Variants in HIVEP2 observed in about 807,000 individuals in gnomAD.
The protein encoded by HIVEP2 is HIVEP zinc finger 2, also known as transcription factor HIVEP2.
Under a neutral mutation model 180.7 loss-of-function variants are expected in HIVEP2, and 14 were observed. That is an observed-to-expected ratio of 0.08 (90% confidence interval 0.05 to 0.12). The LOEUF is 0.12. Among genes scored for constraint, HIVEP2 ranks in the 10% least tolerant of loss-of-function variants. The pLI, the probability that HIVEP2 is intolerant of heterozygous loss-of-function variation, is 1.00. For missense variants in HIVEP2, 2,579 were observed against 3,008.5 expected (o/e 0.86, Z 3.34); for synonymous variants, 1,184 against 1,136.4 (o/e 1.04, Z -0.84).
chr6:142,897,355 A>C (rs1777026610), intron 1 of HIVEP2, among the ~76,000 whole-genome samples: 4 of 152,230 alleles, frequency 2.6e-5, no homozygotes, highest in African/African-American at 9.6e-5. Flanking sequence ...AATTCATGCA[A>C]GCCCCATGAT....
intron 1 of HIVEP2, among the ~76,000 whole-genome samples, chr6:142,857,853 G>T (rs1188787980): frequency 6.6e-6 from 1 of 152,188 alleles, no homozygotes; most frequent in Non-Finnish European, 1.5e-5. Flanking sequence ...CTGCGGGCGG[G>T]GGGAAGCCAC....
chr6:142,784,900 T>A (rs1177167316), intron 2 of HIVEP2, among the ~76,000 whole-genome samples: 4 of 152,136 alleles, frequency 2.6e-5, no homozygotes, highest in African/African-American at 9.7e-5. Flanking sequence ...TCTATCTATT[T>A]TTTTTGAGAC....
intron 1 of HIVEP2, among the ~76,000 whole-genome samples, chr6:142,855,402 G>A (rs12190804): frequency 0.18 from 26,972 of 152,106 alleles, 2,581 homozygotes; most frequent in South Asian, 0.22. Flanking sequence ...ACAAGTAACC[G>A]TCATCCCCAG....
rs1159983465 is a variant in HIVEP2, at chr6:142,769,716, T to C, written c.5023A>G (p.Ile1675Val). ...GATGGGTTTGGATTACAGGAACTAA[T>C]GCACCATGAAGCATAAACCGAGGAT... The part of the protein sequence containing the change: ...FKSSVYASWC[I>V]SSCNPNPSGL... Residue 1675 changes from isoleucine (I) to valine (V), a missense_variant, in exon 5 of 10, where the codon ATT becomes GTT. By Grantham distance (29) the Ile-to-Val change is conservative. This residue lies in a region of HIVEP2 where 349 missense variants were observed against 367.2 expected (regional missense o/e 0.95). Coordinates refer to ENST00000367603, the MANE Select transcript of HIVEP2 (RefSeq NM_006734.4). 3 of 1,614,116 alleles carry C rather than the reference T, an allele frequency of 1.9e-6. No individual in the cohort carries two copies. Among genetic ancestry groups the C allele is most frequent in the African/African-American group, 2.7e-5 (2 of 74,938 alleles).
At chr6:142,808,148 A>T (rs906379986) in intron 2 of HIVEP2, among the ~76,000 whole-genome samples, 1 of 152,186 alleles carries the variant, frequency 6.6e-6, no homozygotes, top group African/African-American at 2.4e-5. Flanking sequence ...CAAGCATAAG[A>T]GGCATCTTTA....
chr6:142,765,126 T>C (rs1775349329), intron 6 of HIVEP2, 152 bp from the exon 7 acceptor site: 3 of 639,238 alleles, frequency 4.7e-6, no homozygotes, highest in Non-Finnish European at 7.7e-6. Flanking sequence ...GTGAAATTTA[T>C]GCAGTAAATG....
intron 1 of HIVEP2, among the ~76,000 whole-genome samples, chr6:142,899,898 T>C (rs563304462): frequency 6.6e-6 from 1 of 152,256 alleles, no homozygotes; most frequent in East Asian, 1.9e-4. Context: ...CTGAACCTAG[T>C]GGAGAGAATC....
In HIVEP2 at chr6:142,818,733, A is replaced by AG. The variant is rs1554213992; in HGVS notation, c.-528+18201_-528+18202insC. 7.4e-4 allele frequency among the ~76,000 whole-genome samples: 31 copies of AG among 41,790 alleles called. 1 individual carries two copies. The highest frequency in any genetic ancestry group is 3.0e-3 in the African/African-American group (30 of 9,890). 27.4% of individuals were successfully genotyped at this position (41,790 alleles called of 152,430 possible). ...AAAGAAAGAAAGAAAAGAAAGAAAG[A>AG]AAAGAAAGAAAGAAAGAAAGAAAGA... On this transcript the variant is annotated intron_variant, in intron 2 of 9. Coordinates refer to ENST00000367603, the MANE Select transcript of HIVEP2 (RefSeq NM_006734.4).
Position 142,945,089 on chromosome 6 carries a change from C to T in HIVEP2, c.-641+10G>A, listed in dbSNP as rs1262425887. On this transcript the variant is annotated intron_variant, in intron 1 of 9. Transcript: ENST00000367603. This position sits in a 1 kb window ranked among gnomAD's most constrained non-coding sequence, Gnocchi z 5.5. ...CCTGCGCCGCGCGCCGCGGCCCCCT[C>T]CCCCGCTACCTGACAACGGGCCGCC... 6.8e-6 allele frequency: 1 copy of T among 147,102 alleles called. No individual in the cohort carries two copies. The highest frequency in any genetic ancestry group is 2.4e-5 in the African/African-American group (1 of 40,932). The allele number at this position is 147,102 out of a possible 1,614,324, so 9.1% of individuals were successfully genotyped here. A position where few individuals can be genotyped will look rare whatever the true frequency, so the allele number is the denominator to read the frequency against.
intron 2 of HIVEP2, among the ~76,000 whole-genome samples, chr6:142,821,782 C>T (rs562271257): frequency 6.6e-6 from 1 of 152,158 alleles, no homozygotes; most frequent in African/African-American, 2.4e-5. Context: ...CTAGGTCAAG[C>T]AATCAAGGCT....
At chr6:142,777,597 A>C (rs1775733576) in intron 3 of HIVEP2, among the ~76,000 whole-genome samples, 1 of 134,196 alleles carries the variant, frequency 7.5e-6, no homozygotes, top group South Asian at 2.5e-4. Flanking sequence ...GCAGTGAGCC[A>C]AGATCGAGCC....
chr6:142,768,346 A>C, intron 6 of HIVEP2, 36 bp downstream of exon 6: 1 of 1,595,340 alleles, frequency 6.3e-7, no homozygotes, highest in Non-Finnish European at 8.6e-7. Flanking sequence ...TCTGACCTAT[A>C]ACTGCACATT....
At chr6:142,791,412 A>G (rs1211814832) in intron 2 of HIVEP2, among the ~76,000 whole-genome samples, 1 of 152,178 alleles carries the variant, frequency 6.6e-6, no homozygotes, top group African/African-American at 2.4e-5. Context: ...CCTGTGCTAC[A>G]TGGTTATTCA....
chr6:142,812,367 G>T (rs1002422487), intron 2 of HIVEP2, among the ~76,000 whole-genome samples: 1 of 152,118 alleles, frequency 6.6e-6, no homozygotes, highest in African/African-American at 2.4e-5. Flanking sequence ...ATGGGGCATT[G>T]GTTAGAGTAC....
At chr6:142,829,721 A>G (rs2114857609) in intron 2 of HIVEP2, among the ~76,000 whole-genome samples, 1 of 152,364 alleles carries the variant, frequency 6.6e-6, no homozygotes, top group Non-Finnish European at 1.5e-5. Flanking sequence ...AAAATAGCCA[A>G]AAAAGCTCAG....
At chr6:142,892,798 T>C (rs1442867348) in intron 1 of HIVEP2, among the ~76,000 whole-genome samples, 1 of 152,150 alleles carries the variant, frequency 6.6e-6, no homozygotes, top group Non-Finnish European at 1.5e-5. Context: ...GCAAGCCTCC[T>C]ACGTAAGGGA....
At chr6:142,942,181 T>C (rs117867228) in intron 1 of HIVEP2, among the ~76,000 whole-genome samples, 255 of 152,272 alleles carry the variant, frequency 1.7e-3, no homozygotes, top group Non-Finnish European at 2.7e-3. Context: ...GATAATAATT[T>C]AAAAACTGAA....
At chr6:142,816,256 A>G (rs578017456) in intron 2 of HIVEP2, among the ~76,000 whole-genome samples, 4 of 152,326 alleles carry the variant, frequency 2.6e-5, no homozygotes, top group Admixed American at 6.5e-5. Flanking sequence ...GAGCAAGGGA[A>G]TGGTCATGCA....
chr6:142,931,468 T>C (rs190637905), intron 1 of HIVEP2, among the ~76,000 whole-genome samples: 12 of 152,248 alleles, frequency 7.9e-5, no homozygotes, highest in Admixed American at 7.8e-4. Flanking sequence ...ATGTCATTTA[T>C]ATTGCCAAAA....
Sources: allele counts gnomAD v4.1 joint callset (sites outside exome capture counted in the v4.1 genomes callset), GRCh38; gene constraint gnomAD v4.1.1; regional missense constraint gnomAD v4.1.1; non-coding constraint Gnocchi (gnomAD v3.1); transcripts MANE v1.5; gene names NCBI Gene and HGNC (gene_info 2026-07-23, HGNC 2026-07-21).